CDC25A: variants seen among roughly 807,000 people sequenced by gnomAD.
CDC25A encodes the protein cell division cycle 25A.
A neutral mutation model predicts 64.6 loss-of-function variants in CDC25A; 17 were observed. The observed-to-expected ratio is 0.26, with a 90% CI of 0.18 to 0.39. The LOEUF (loss-of-function observed/expected upper bound fraction) is 0.39. Among genes scored for constraint, CDC25A ranks in the 10% least tolerant of loss-of-function variants. CDC25A has a pLI of 1.00. For synonymous variants in CDC25A, 229 were observed against 238.6 expected (o/e 0.96, Z 0.37); for missense variants, 473 against 654.8 (o/e 0.72, Z 3.03).
chr3:48,183,425 T>TC (rs2032737403), intron 4 of CDC25A, among the ~76,000 whole-genome samples: 1 of 152,220 alleles, frequency 6.6e-6, no homozygotes, highest in Admixed American at 6.5e-5. Context: ...CTGGGAATAG[T>TC]GGCTCTTGCC....
chr3:48,159,489 G>T, intron 13 of CDC25A, 34 bp from the exon 14 acceptor site: 1 of 1,467,706 alleles, frequency 6.8e-7, no homozygotes, highest in East Asian at 2.3e-5. Context: ...AGCAGGGTTA[G>T]CTTTTCCAGC....
chr3:48,184,387 T>C (rs2032775057), intron 3 of CDC25A, among the ~76,000 whole-genome samples: 1 of 151,962 alleles, frequency 6.6e-6, no homozygotes, highest in African/African-American at 2.4e-5. Flanking sequence ...AAACCCCACA[T>C]GTTCTTGTAA....
chr3:48,167,764 T>TG lies in CDC25A; in HGVS notation c.1029+81dup. 5 of 792,430 alleles carry TG rather than the reference T, an allele frequency of 6.3e-6. No individual in the cohort carries two copies. In the South Asian group the frequency reaches 7.1e-5, roughly 11 times the overall value. 49.1% of individuals were successfully genotyped at this position (792,430 alleles called of 1,614,324 possible). A position where few individuals can be genotyped will look rare whatever the true frequency, so the allele number is the denominator to read the frequency against. Reference sequence around the variant, plus strand: ...TTTGGAGGTATGCCAGGAACCACCCTGGGGAGGGAGACAGGCTGAGTGGGA... The same window carrying TG: ...TTTGGAGGTATGCCAGGAACCACCCTGGGGGAGGGAGACAGGCTGAGTGGGA... On this transcript the variant is annotated intron_variant, in intron 10 of 14. Coordinates refer to ENST00000302506, the MANE Select transcript of CDC25A (RefSeq NM_001789.3).
chr3:48,165,791 A>G, intron 11 of CDC25A, 40 bp downstream of exon 11: 7 of 1,585,234 alleles, frequency 4.4e-6, no homozygotes, highest in Non-Finnish European at 5.2e-6. Flanking sequence ...ACTAGATTCA[A>G]GTACCCGATG....
Position 48,174,296 on chromosome 3 carries a change from C to A in CDC25A, c.918G>T (p.Glu306Asp), listed in dbSNP as rs373341230. ...GASPKESTNP[E>D]KAHETLHQSL... ...CTAGGAAACTAACCTCATGGGCCTT[C>A]TCTGGATTAGTTGACTCTTTGGGGC... is the stretch of plus-strand genomic sequence containing the variant. Residue 306 changes from glutamate (E) to aspartate (D), a missense_variant, in exon 9 of 15, where the codon GAG becomes GAT. By Grantham distance (45) the Glu-to-Asp change is conservative. Coordinates refer to ENST00000302506, the MANE Select transcript of CDC25A (RefSeq NM_001789.3). 9 of 1,613,002 alleles carry A rather than the reference C, an allele frequency of 5.6e-6. No individual in the cohort carries two copies. Among genetic ancestry groups the A allele is most frequent in the Non-Finnish European group, 5.9e-6 (7 of 1,179,694 alleles).
chr3:48,185,547 A>C (rs2032816834), intron 2 of CDC25A, among the ~76,000 whole-genome samples: 1 of 151,908 alleles, frequency 6.6e-6, no homozygotes, highest in Admixed American at 6.6e-5. Context: ...AATTCCAGCT[A>C]CTAGGGAAGC....
At chr3:48,174,503 T>TTCA in intron 8 of CDC25A, 46 bp from the exon 9 acceptor site, 1 of 1,554,426 alleles carries the variant, frequency 6.4e-7, no homozygotes, top group Admixed American at 1.9e-5. Flanking sequence ...TTAAAACCTG[T>TTCA]TCACTTGAAT....
At chr3:48,178,247 A>G (rs1227367621) in intron 6 of CDC25A, among the ~76,000 whole-genome samples, 1 of 152,148 alleles carries the variant, frequency 6.6e-6, no homozygotes, top group Non-Finnish European at 1.5e-5. Flanking sequence ...TACTAGAGAT[A>G]GCCTCTTGTG....
At chr3:48,184,467 A>G (rs1239085383) in intron 3 of CDC25A, among the ~76,000 whole-genome samples, 186 bp downstream of exon 3, 35 of 152,180 alleles carry the variant, frequency 2.3e-4, no homozygotes, top group Admixed American at 6.5e-5. Flanking sequence ...TTATAGCTAA[A>G]ATAAAGGAGA....
At chr3:48,185,518 G>GT (rs1212350818) in intron 2 of CDC25A, among the ~76,000 whole-genome samples, 1 of 151,600 alleles carries the variant, frequency 6.6e-6, no homozygotes, top group African/African-American at 2.4e-5. Flanking sequence ...GAGATCAGAA[G>GT]TTTGAGACCC....
chr3:48,174,179 C>A, intron 9 of CDC25A, 105 bp downstream of exon 9: 1 of 1,089,648 alleles, frequency 9.2e-7, no homozygotes, highest in Non-Finnish European at 1.3e-6. Flanking sequence ...CCACAAAACC[C>A]CAGCAAATCT....
intron 2 of CDC25A, among the ~76,000 whole-genome samples, chr3:48,186,219 T>G (rs1341579407): frequency 6.6e-6 from 1 of 152,192 alleles, no homozygotes; most frequent in Non-Finnish European, 1.5e-5. Context: ...TTATAGACAT[T>G]TGAAACCTAT....
Position 48,180,836 on chromosome 3 carries a change from G to C in CDC25A, c.434C>G (p.Ala145Gly), listed in dbSNP as rs375690864. ...TCTTACTGGCTTCTTAAACTCAAAGGCTTCCTGCAAGACATAGTTGAGACA... is the reference window on the plus strand; with the variant it reads ...TCTTACTGGCTTCTTAAACTCAAAGCCTTCCTGCAAGACATAGTTGAGACA... Reference protein sequence around the residue: ...IDPDENKENEAFEFKKPVRPV... With the variant: ...IDPDENKENEGFEFKKPVRPV... The change falls in exon 6 of 15, where the codon GCC (alanine) becomes GGC (glycine). Residue 145 changes from alanine to glycine, a missense_variant. Physicochemically the swap from Ala to Gly is moderately conservative, Grantham distance 60. Around this residue, in one of 2 missense-constraint regions of CDC25A, gnomAD observed 376 missense variants for 431.9 expected, o/e 0.87. Coordinates refer to ENST00000302506, the MANE Select transcript of CDC25A (RefSeq NM_001789.3). 5.2e-5 allele frequency: 84 copies of C among 1,613,718 alleles called. No individual in the cohort carries two copies. The highest frequency in any genetic ancestry group is 6.5e-5 in the Non-Finnish European group (77 of 1,179,940).
intron 2 of CDC25A, among the ~76,000 whole-genome samples, chr3:48,185,033 T>C (rs2032800036): frequency 6.6e-6 from 1 of 152,118 alleles, no homozygotes; most frequent in Non-Finnish European, 1.5e-5. Context: ...TTTCTGTGAG[T>C]TCCAACCATA....
chr3:48,183,428 CT>C (rs2032737860), intron 4 of CDC25A, among the ~76,000 whole-genome samples: 1 of 152,216 alleles, frequency 6.6e-6, no homozygotes, highest in Admixed American at 6.5e-5. Context: ...GGAATAGTGG[CT>C]CTTGCCTATA....
intron 3 of CDC25A, among the ~76,000 whole-genome samples, chr3:48,184,240 T>C (rs1042229670): frequency 2.0e-5 from 3 of 151,948 alleles, no homozygotes; most frequent in African/African-American, 7.3e-5. Flanking sequence ...TGCACTCCTG[T>C]AGTCCCAGCT....
intron 8 of CDC25A, 90 bp from the exon 9 acceptor site, chr3:48,174,547 G>C: frequency 7.9e-7 from 1 of 1,266,918 alleles, no homozygotes; most frequent in Non-Finnish European, 1.1e-6. Flanking sequence ...TTCCTGGGAT[G>C]ATCTAAGATC....
Position 48,158,668 on chromosome 3 carries a change from C to CAA in CDC25A, c.*276_*277insTT. 1 of 319,944 alleles carries CAA rather than the reference C, an allele frequency of 3.1e-6. No individual in the cohort carries two copies. Among genetic ancestry groups the CAA allele is most frequent in the Non-Finnish European group, 5.8e-6 (1 of 172,150 alleles). The allele number at this position is 319,944 out of a possible 1,614,324, so 19.8% of individuals were successfully genotyped here. A position where few individuals can be genotyped will look rare whatever the true frequency, so the allele number is the denominator to read the frequency against. On this transcript the variant is annotated 3_prime_UTR_variant, in exon 15 of 15. Coordinates refer to ENST00000302506, the MANE Select transcript of CDC25A (RefSeq NM_001789.3). ...ATAAGGCCCCGGCTGGTTCATCCCACTGTGGCTCAGAGCAGCTTGACACGG... is the reference window on the plus strand; with the variant it reads ...ATAAGGCCCCGGCTGGTTCATCCCACAATGTGGCTCAGAGCAGCTTGACACGG...
intron 10 of CDC25A, among the ~76,000 whole-genome samples, chr3:48,167,496 A>G (rs771743183): frequency 9.2e-5 from 14 of 152,272 alleles, no homozygotes; most frequent in East Asian, 1.9e-4. Context: ...CAACATGCAG[A>G]CTTGTAGTGT....
Sources: gnomAD v4.1 joint callset for allele counts (sites outside exome capture counted in the v4.1 genomes callset) on GRCh38, gnomAD v4.1.1 for gene constraint, gnomAD v4.1.1 regional missense constraint, MANE v1.5 for transcripts, NCBI Gene and HGNC (gene_info 2026-07-23, HGNC 2026-07-21) for gene names.